Variants in POLR2F observed in about 807,000 individuals in gnomAD.
The protein encoded by POLR2F is RNA polymerase II, I and III subunit F, also known as DNA-directed RNA polymerases I, II, and III subunit RPABC2.
In POLR2F, 12 loss-of-function variants were observed where a neutral mutation model predicts 22.7. The observed-to-expected ratio is 0.53, with a 90% CI of 0.34 to 0.86. POLR2F has a LOEUF of 0.86. POLR2F is among the 40% of genes least tolerant of loss of function. The pLI is 0.02. For synonymous variants in POLR2F, 57 were observed against 66.0 expected (o/e 0.86, Z 0.66); for missense variants, 126 against 171.5 (o/e 0.73, Z 1.48).
chr22:38,028,395 G>T (rs2145828352), downstream of POLR2F, among the ~76,000 whole-genome samples: 1 of 152,250 alleles, frequency 6.6e-6, no homozygotes, highest in Admixed American at 6.5e-5. Flanking sequence ...CACCTGGATG[G>T]CACATGGACA....
intron 1 of POLR2F, among the ~76,000 whole-genome samples, chr22:37,989,710 C>T (rs1028399093): frequency 1.3e-5 from 2 of 152,222 alleles, no homozygotes; most frequent in Non-Finnish European, 2.9e-5. Flanking sequence ...GCTCGCCCAG[C>T]GAATGATGAC....
chr22:37,988,180 A>T (rs1932637139), intron 1 of POLR2F: 14 of 148,268 alleles, frequency 9.4e-5, no homozygotes, highest in Admixed American at 7.4e-4. Flanking sequence ...AAAAAAAAAA[A>T]TTAGCTGGGC....
chr22:38,041,245 G>T (rs369706772), downstream of POLR2F: 25 of 1,336,068 alleles, frequency 1.9e-5, no homozygotes, highest in East Asian at 5.9e-4. Context: ...ACCAGATGGC[G>T]GGGGCAGGCA....
chr22:38,039,717 C>T (rs988974515), intron 5 of POLR2F, among the ~76,000 whole-genome samples: 1 of 152,200 alleles, frequency 6.6e-6, no homozygotes, highest in African/African-American at 2.4e-5. Flanking sequence ...GCATTCCAGC[C>T]GCGCACAGAC....
At chr22:38,002,367 G>A (rs1424316051) in intron 1 of POLR2F, among the ~76,000 whole-genome samples, 1 of 152,186 alleles carries the variant, frequency 6.6e-6, no homozygotes, top group Admixed American at 6.5e-5. Context: ...TATGTAGCAT[G>A]TGACGTGGGT....
At position 37,986,678 on chromosome 22, in the gene POLR2F, T is replaced by C. The variant is rs1271058429; in HGVS notation, c.120+366T>C. 5.5e-6 allele frequency: 3 copies of C among 547,576 alleles called. No homozygotes were observed. In the Admixed American group the frequency reaches 6.6e-5, roughly 12 times the overall value. 33.9% of individuals were successfully genotyped at this position (547,576 alleles called of 1,614,324 possible). A position where few individuals can be genotyped will look rare whatever the true frequency, so the allele number is the denominator to read the frequency against. On this transcript the variant is annotated intron_variant, in intron 1 of 2. Coordinates refer to the POLR2F transcript ENST00000333418. The surrounding 1 kb of genome is among the most constrained non-coding windows in gnomAD (Gnocchi z 4.7). Reference sequence around the variant, plus strand: ...CTGTGCTGGGCTTTTTGCTGAGCAGTGTTGGGTGAGGCAGGTGGGCCTGCA... The same window carrying C: ...CTGTGCTGGGCTTTTTGCTGAGCAGCGTTGGGTGAGGCAGGTGGGCCTGCA...
At position 37,978,008 on chromosome 22, in the gene POLR2F, C is replaced by T; in HGVS notation, c.293+10838C>T. 6.2e-7 allele frequency: 1 copy of T among 1,611,722 alleles called. No homozygotes were observed. The highest frequency in any genetic ancestry group is 1.1e-5 in the South Asian group (1 of 90,976). ...TCCCCACCGGGGCACTCCGCCTCGC[C>T]CTGGGCGGCCTTCCCGTTCTTCCGC... On this transcript the variant is annotated intron_variant, in intron 4 of 4. Transcript: ENST00000405557. This position sits in a 1 kb window ranked among gnomAD's most constrained non-coding sequence, Gnocchi z 5.0.
chr22:38,035,611 C>G (rs147228471), intron 5 of POLR2F, among the ~76,000 whole-genome samples: 1 of 152,362 alleles, frequency 6.6e-6, no homozygotes, highest in African/African-American at 2.4e-5. Context: ...CTGCTACTAT[C>G]ACCACTTTCT....
intron 1 of POLR2F, among the ~76,000 whole-genome samples, chr22:37,995,063 C>T (rs1004643719): frequency 1.3e-5 from 2 of 152,228 alleles, no homozygotes; most frequent in Non-Finnish European, 2.9e-5. Flanking sequence ...GGAGGAGCTG[C>T]TTCCGACTCT....
chr22:38,009,000 A>G (rs1273118001), intron 1 of POLR2F, among the ~76,000 whole-genome samples: 1 of 152,218 alleles, frequency 6.6e-6, no homozygotes, highest in East Asian at 1.9e-4. Flanking sequence ...AGAAGGTGGC[A>G]TATGCATGAA....
At chr22:38,012,955 A>G (rs887490644) in intron 1 of POLR2F, among the ~76,000 whole-genome samples, 1 of 152,144 alleles carries the variant, frequency 6.6e-6, no homozygotes, top group South Asian at 2.1e-4. Flanking sequence ...AGCTGTCTTC[A>G]TATTCTGTCC....
chr22:37,986,035 T>C, upstream of POLR2F: 4 of 1,186,920 alleles, frequency 3.4e-6, no homozygotes, highest in South Asian at 2.0e-5. This position sits in a 1 kb window ranked among gnomAD's most constrained non-coding sequence, Gnocchi z 4.7. Flanking sequence ...GCCTCCCTTC[T>C]CTTCCCTGTG....
intron 3 of POLR2F, among the ~76,000 whole-genome samples, chr22:37,965,531 T>G (rs1931821017): frequency 6.6e-6 from 1 of 152,256 alleles, no homozygotes; most frequent in African/African-American, 2.4e-5. Context: ...GAATTATTTA[T>G]ATTTTGAAAG....
chr22:38,014,354 A>ATT (rs918855178), intron 1 of POLR2F, among the ~76,000 whole-genome samples: 1 of 135,204 alleles, frequency 7.4e-6, no homozygotes, highest in African/African-American at 2.7e-5. Context: ...TATTTTTTTT[A>ATT]TTTTTTTTTT....
intron 1 of POLR2F, among the ~76,000 whole-genome samples, chr22:37,989,651 C>T (rs1932680762): frequency 1.3e-5 from 2 of 152,208 alleles, no homozygotes; most frequent in African/African-American, 4.8e-5. Flanking sequence ...CTATTATTCT[C>T]ATTTTAGGGA....
rs373441069 is a variant in POLR2F at position 37,989,220 on chromosome 22, T to C, written c.120+2908T>C. 3.3e-5 allele frequency among the ~76,000 whole-genome samples: 5 copies of C among 152,212 alleles called. No individual in the cohort carries two copies. The South Asian group carries it at 6.2e-4, about 19-fold the overall frequency. ...CTCGGCTTTTGCATATGTACGATGT[T>C]GATAATCTTATGCACCCTTGATATC... On this transcript the variant is annotated intron_variant, in intron 1 of 2. Coordinates refer to the POLR2F transcript ENST00000333418.
chr22:38,035,439 T>A (rs1269214105), intron 5 of POLR2F, among the ~76,000 whole-genome samples: 1 of 152,148 alleles, frequency 6.6e-6, no homozygotes, highest in Non-Finnish European at 1.5e-5. Context: ...GTGGGGCAAG[T>A]GGGAATCAGG....
At chr22:37,996,726 C>G (rs1196969507) in intron 1 of POLR2F, among the ~76,000 whole-genome samples, 1 of 152,180 alleles carries the variant, frequency 6.6e-6, no homozygotes, top group Admixed American at 6.5e-5. Context: ...GGGTGGGGCA[C>G]AGCCCCTCTC....
At chr22:38,003,524 G>T (rs1045587778) in intron 1 of POLR2F, among the ~76,000 whole-genome samples, 1 of 151,884 alleles carries the variant, frequency 6.6e-6, no homozygotes, top group Non-Finnish European at 1.5e-5. Flanking sequence ...ACTGCACCCG[G>T]CTGGGAGATA....
Sources: gnomAD v4.1 joint callset for allele counts (sites outside exome capture counted in the v4.1 genomes callset) on GRCh38, gnomAD v4.1.1 for gene constraint, Gnocchi (gnomAD v3.1) non-coding constraint, MANE v1.5 for transcripts, NCBI Gene and HGNC (gene_info 2026-07-23, HGNC 2026-07-21) for gene names.